The following NCAM1 variants were observed in gnomAD, a reference collection of about 807,000 sequenced individuals.
NCAM1 encodes the protein neural cell adhesion molecule 1.
Under a neutral mutation model 109.8 loss-of-function variants are expected in NCAM1, and 14 were observed. The observed-to-expected ratio is 0.13, with a 90% confidence interval of 0.08 to 0.20. The LOEUF is 0.20. Ranked by LOEUF, NCAM1 falls within the 10% of genes least tolerant of loss-of-function variation. The pLI, the probability that NCAM1 is intolerant of heterozygous loss-of-function variation, is 1.00. For missense variants in NCAM1, 774 were observed against 1,109.9 expected (o/e 0.70, Z 4.30); for synonymous variants, 418 against 442.9 (o/e 0.94, Z 0.70).
chr11:113,054,551 G>A (rs1555082245), intron 1 of NCAM1, among the ~76,000 whole-genome samples: 1 of 152,126 alleles, frequency 6.6e-6, no homozygotes, highest in African/African-American at 2.4e-5. Context: ...ATTACTTATA[G>A]CCTTAAAAGT....
chr11:113,082,788 AC>A (rs564058105), intron 1 of NCAM1, among the ~76,000 whole-genome samples: 200 of 152,332 alleles, frequency 1.3e-3, no homozygotes, highest in African/African-American at 4.2e-3. Flanking sequence ...TTATTCAGCA[AC>A]CGTGAGTATC....
chr11:113,166,197 G>A (rs782235301), intron 1 of NCAM1, among the ~76,000 whole-genome samples: 1 of 152,158 alleles, frequency 6.6e-6, no homozygotes, highest in Non-Finnish European at 1.5e-5. Flanking sequence ...ATGTGATAAT[G>A]ATCAGAAAAA....
At chr11:112,971,270 C>G (rs141306321) in intron 1 of NCAM1, among the ~76,000 whole-genome samples, 46 of 151,936 alleles carry the variant, frequency 3.0e-4, no homozygotes, top group East Asian at 1.6e-3. Context: ...CTCTCTCTCT[C>G]TGTGTAATAT....
intron 14 of NCAM1, chr11:113,240,716 A>G (rs1228161291): frequency 1.7e-5 from 24 of 1,439,346 alleles, no homozygotes; most frequent in South Asian, 3.5e-5. Context: ...TGTTGCTTCC[A>G]TTTTTTTTTC....
intron 1 of NCAM1, among the ~76,000 whole-genome samples, chr11:113,078,779 G>A (rs999939500): frequency 1.3e-5 from 2 of 152,088 alleles, no homozygotes; most frequent in African/African-American, 4.8e-5. Flanking sequence ...ACTTGAGCCC[G>A]GTTGGTGACC....
rs782058567 is a variant in NCAM1, at chr11:113,275,477, C to T, written c.*90C>T. ...CCAACACCACAGACACACACACGCACGCACACACACAAACACACATGCACA... is the reference window on the plus strand; with the variant it reads ...CCAACACCACAGACACACACACGCATGCACACACACAAACACACATGCACA... On this transcript the variant is annotated 3_prime_UTR_variant, in exon 20 of 20. Coordinates refer to ENST00000316851, the MANE Select transcript of NCAM1 (RefSeq NM_181351.5). 59 of 1,469,838 alleles carry T rather than the reference C, an allele frequency of 4.0e-5. No individual in the cohort carries two copies. The highest frequency in any genetic ancestry group is 1.3e-4 in the African/African-American group (9 of 70,940). 91.0% of individuals were successfully genotyped at this position (1,469,838 alleles called of 1,614,324 possible). A position where few individuals can be genotyped will look rare whatever the true frequency, so the allele number is the denominator to read the frequency against.
chr11:113,082,260 G>A (rs571099138), intron 1 of NCAM1, among the ~76,000 whole-genome samples: 7 of 152,260 alleles, frequency 4.6e-5, no homozygotes, highest in Admixed American at 2.0e-4. Flanking sequence ...GATTGTTCCC[G>A]CATACTCTTA....
chr11:113,239,498 A>G (rs1945263849), intron 14 of NCAM1, among the ~76,000 whole-genome samples: 2 of 78,428 alleles, frequency 2.6e-5, no homozygotes, highest in Non-Finnish European at 4.7e-5. Context: ...ATGAGTCTCT[A>G]CTTTTTTTTT....
At chr11:113,153,189 C>T (rs1466052247) in intron 1 of NCAM1, among the ~76,000 whole-genome samples, 4 of 151,976 alleles carry the variant, frequency 2.6e-5, no homozygotes, top group African/African-American at 7.2e-5. Flanking sequence ...ACTACAGGCA[C>T]CCGCCACCAC....
Position 113,024,826 on chromosome 11 carries a change from T to A in NCAM1, c.52+63162T>A, listed in dbSNP as rs577488636. ...AAAATGCACCACATTAGGAAGATTG[T>A]TTAGGATATTTTCACTCACTGCTTA... On this transcript the variant is annotated intron_variant, in intron 1 of 19. Transcript: ENST00000316851. Among the ~76,000 whole-genome samples, 190 of 152,302 alleles carry A rather than the reference T, an allele frequency of 1.2e-3. 3 individuals carry two copies. Among genetic ancestry groups the A allele is most frequent in the African/African-American group, 4.4e-3 (181 of 41,566 alleles).
chr11:113,205,775 G>C, intron 4 of NCAM1, 109 bp downstream of exon 4: 1 of 1,418,548 alleles, frequency 7.0e-7, no homozygotes, highest in Non-Finnish European at 9.6e-7. Flanking sequence ...ATGTGTGCCC[G>C]AACCCTCATG....
rs1310113792 is a variant in NCAM1, at chr11:112,962,789, C to T, written c.52+1125C>T. On this transcript the variant is annotated intron_variant, in intron 1 of 19. Coordinates refer to ENST00000316851, the MANE Select transcript of NCAM1 (RefSeq NM_181351.5). The surrounding 1 kb of genome is among the most constrained non-coding windows in gnomAD (Gnocchi z 5.6). ...CCCCACCTCCACCCAAGGATTTGCGCTTTGGCTCTGATGGACGGGAGGGAA... is the reference window on the plus strand; with the variant it reads ...CCCCACCTCCACCCAAGGATTTGCGTTTTGGCTCTGATGGACGGGAGGGAA... Among the ~76,000 whole-genome samples, 2 of 152,056 alleles carry T rather than the reference C, an allele frequency of 1.3e-5. No homozygotes were observed. The highest frequency in any genetic ancestry group is 2.9e-5 in the Non-Finnish European group (2 of 68,000).
chr11:113,177,744 T>C (rs11214533), intron 1 of NCAM1, among the ~76,000 whole-genome samples: 33,207 of 152,038 alleles, frequency 0.22, 5,234 homozygotes, highest in African/African-American at 0.44. Context: ...GAGAGCATCA[T>C]GTCTTTCCTA....
At chr11:113,003,364 A>T (rs1401632837) in intron 1 of NCAM1, among the ~76,000 whole-genome samples, 1 of 152,252 alleles carries the variant, frequency 6.6e-6, no homozygotes, top group African/African-American at 2.4e-5. Flanking sequence ...CATAGTGCTC[A>T]TGATCAGCAC....
chr11:112,974,695 C>G (rs1203274286), intron 1 of NCAM1, among the ~76,000 whole-genome samples: 1 of 151,860 alleles, frequency 6.6e-6, no homozygotes, highest in African/African-American at 2.4e-5. Flanking sequence ...CTGGTATATG[C>G]AAGGACAAAG....
intron 1 of NCAM1, among the ~76,000 whole-genome samples, chr11:113,168,055 G>T (rs1565475689): frequency 6.6e-6 from 1 of 152,150 alleles, no homozygotes; most frequent in African/African-American, 2.4e-5. Flanking sequence ...CATCTGAAAG[G>T]AATTGGAATT....
At chr11:113,046,802 AAG>A (rs145834880) in intron 1 of NCAM1, among the ~76,000 whole-genome samples, 26,111 of 149,410 alleles carry the variant, frequency 0.17, 2,630 homozygotes, top group South Asian at 0.3. Context: ...GAAGAAAGAA[AAG>A]AGAGAGAGAG....
At chr11:112,992,749 C>T (rs897909572) in intron 1 of NCAM1, among the ~76,000 whole-genome samples, 9 of 152,050 alleles carry the variant, frequency 5.9e-5, no homozygotes, top group Admixed American at 3.9e-4. Flanking sequence ...CCTCGTGATC[C>T]GCCAGCCTCG....
chr11:113,053,952 G>C (rs1555082184), intron 1 of NCAM1, among the ~76,000 whole-genome samples: 1 of 152,172 alleles, frequency 6.6e-6, no homozygotes, highest in Admixed American at 6.5e-5. Context: ...GGTCTAGGCA[G>C]GGGTGGACTT....
Sources: allele counts gnomAD v4.1 joint callset (sites outside exome capture counted in the v4.1 genomes callset), GRCh38; gene constraint gnomAD v4.1.1; non-coding constraint Gnocchi (gnomAD v3.1); transcripts MANE v1.5; gene names NCBI Gene and HGNC (gene_info 2026-07-23, HGNC 2026-07-21).